The following USP20 variants were observed in gnomAD, a reference collection of about 807,000 sequenced individuals.
USP20 encodes ubiquitin specific peptidase 20.
Under a neutral mutation model 124.2 loss-of-function variants are expected in USP20, and 80 were observed. The ratio of observed to expected loss-of-function variants is 0.64; its 90% CI spans 0.54 to 0.78. USP20 has a LOEUF of 0.78. USP20 is among the 30% of genes least tolerant of loss of function. The pLI is 0.00. For missense variants in USP20, 1,043 were observed against 1,244.4 expected, an observed-to-expected ratio of 0.84 and a Z score of 2.44; for synonymous variants, 481 against 512.3, an observed-to-expected ratio of 0.94 and a Z score of 0.83.
At chr9:129,842,673 A>C (rs1293287203) in intron 1 of USP20, among the ~76,000 whole-genome samples, 1 of 150,848 alleles carries the variant, frequency 6.6e-6, no homozygotes, top group Non-Finnish European at 1.5e-5. Flanking sequence ...GGCTCACTGC[A>C]ACCTCTGCCT....
intron 4 of USP20, among the ~76,000 whole-genome samples, chr9:129,857,567 C>G (rs564139350): frequency 2.2e-4 from 33 of 152,318 alleles, no homozygotes; most frequent in African/African-American, 7.0e-4. Context: ...GGGCCCTGCT[C>G]TGGGGCACTG....
In USP20 at chr9:129,858,506, C is replaced by T. The variant is rs1474128838; in HGVS notation, c.238C>T (p.Arg80Ter). Reference protein sequence around the residue: ...HNLTVNLTTFRLWCYACEKEV... With the variant: ...HNLTVNLTTF ...CTTGACCGTGAACCTGACCACGTTC[C>T]GACTGTGGTGTTACGCCTGTGAGAA... The change falls in exon 6 of 26, where the codon CGA becomes TGA. Residue 80 changes from arginine (R) to a stop codon, truncating the protein, a stop_gained. Coordinates refer to ENST00000372429, the MANE Select transcript of USP20 (RefSeq NM_001110303.4). LOFTEE classifies it high-confidence loss of function. The T allele has an allele frequency of 1.9e-6, 3 of 1,614,130 alleles. No homozygotes were observed. The highest frequency in any genetic ancestry group is 2.2e-5 in the East Asian group (1 of 44,882).
chr9:129,860,801 CT>C, intron 6 of USP20, 135 bp from the exon 7 acceptor site: 1 of 824,680 alleles, frequency 1.2e-6, no homozygotes. Flanking sequence ...ACAGTACCTT[CT>C]GCTCAGCTGG....
chr9:129,852,141 T>G (rs1481382024), intron 2 of USP20, among the ~76,000 whole-genome samples: 1 of 152,224 alleles, frequency 6.6e-6, no homozygotes, highest in Non-Finnish European at 1.5e-5. Flanking sequence ...GCCTGTATCC[T>G]TGGACGGACA....
At chr9:129,861,732 C>A in intron 8 of USP20, 120 bp downstream of exon 8, 2 of 864,592 alleles carry the variant, frequency 2.3e-6, no homozygotes, top group Non-Finnish European at 1.8e-6. Context: ...CAGCAAAATG[C>A]CTGAAAGCAT....
chr9:129,849,306 C>A (rs1356747041), intron 1 of USP20, among the ~76,000 whole-genome samples: 1 of 152,208 alleles, frequency 6.6e-6, no homozygotes, highest in Non-Finnish European at 1.5e-5. Flanking sequence ...TCTGCCTGAG[C>A]CTTGGCCAGC....
Position 129,881,316 on chromosome 9 carries a change from A to G in USP20, c.*866A>G, listed in dbSNP as rs733000. 145,008 of 152,406 alleles carry G rather than the reference A, an allele frequency of 0.95. 69,412 individuals carry two copies. Among genetic ancestry groups the G allele is most frequent in the East Asian group, 1 (5,176 of 5,176 alleles). 9.4% of individuals were successfully genotyped at this position (152,406 alleles called of 1,614,324 possible). A position where few individuals can be genotyped will look rare whatever the true frequency, so the allele number is the denominator to read the frequency against. ...TCCCAGCAGCAGCAGTGCAGAGCCC[A>G]CCTGGAGGGATGTGGGGGCTGTGCA... On this transcript the variant is annotated 3_prime_UTR_variant, in exon 26 of 26. Coordinates refer to ENST00000372429, the MANE Select transcript of USP20 (RefSeq NM_001110303.4).
Position 129,856,291 on chromosome 9 carries a change from C to T in USP20, c.82-16C>T, listed in dbSNP as rs1486230238. ...TCCTCATGCCTGCTCTTTTTCTCTCCTCTCAACTCACACAGGGAACCTGTC... is the reference window on the plus strand; with the variant it reads ...TCCTCATGCCTGCTCTTTTTCTCTCTTCTCAACTCACACAGGGAACCTGTC... On this transcript the variant is annotated splice_polypyrimidine_tract_variant and intron_variant, in intron 3 of 25. Transcript: ENST00000372429. 6.2e-6 allele frequency: 10 copies of T among 1,613,838 alleles called. No homozygotes were observed. Among genetic ancestry groups the T allele is most frequent in the Non-Finnish European group, 8.5e-6 (10 of 1,179,812 alleles).
chr9:129,880,146 G>A lies in USP20; in HGVS notation c.2618G>A (p.Trp873Ter). 1.2e-6 allele frequency: 2 copies of A among 1,613,900 alleles called. No individual in the cohort carries two copies. The highest frequency in any genetic ancestry group is 1.7e-6 in the Non-Finnish European group (2 of 1,180,024). ...TACGGGCAGATTTCGGAGGAGACCT[G>A]GACCTACCTGAACAGCCTGTATGGA... ...ADYGQISEET[W>*]TYLNSLYGGG... Residue 873 changes from tryptophan to a stop codon, truncating the protein, a stop_gained, in exon 25 of 26, where the codon TGG becomes TAG. Transcript: ENST00000372429. LOFTEE classifies it high-confidence loss of function.
chr9:129,864,157 A>C (rs2089047), intron 9 of USP20, among the ~76,000 whole-genome samples: 131,805 of 150,366 alleles, frequency 0.88, 58,162 homozygotes, highest in East Asian at 1. Flanking sequence ...ATATGTATTA[A>C]ATGTAGAAGC....
chr9:129,866,500 G>C (rs1481876156), intron 10 of USP20, among the ~76,000 whole-genome samples: 2 of 152,226 alleles, frequency 1.3e-5, no homozygotes, highest in Non-Finnish European at 2.9e-5. Flanking sequence ...CATCCTGGCA[G>C]AGATGGCATT....
In USP20 at chr9:129,868,023, C is replaced by T. The variant is rs765839692; in HGVS notation, c.709C>T (p.Arg237Cys). 3 of 1,613,582 alleles carry T rather than the reference C, an allele frequency of 1.9e-6. No individual in the cohort carries two copies. Among genetic ancestry groups the T allele is most frequent in the East Asian group, 2.2e-5 (1 of 44,874 alleles). The change falls in exon 11 of 26, where the codon CGC becomes TGC. Residue 237 changes from arginine to cysteine, a missense_variant. Physicochemically the swap from Arg to Cys is radical, Grantham distance 180. Coordinates refer to ENST00000372429, the MANE Select transcript of USP20 (RefSeq NM_001110303.4). Reference protein sequence around the residue: ...YAQQDTQEFLRCLMDQLHEEL... With the variant: ...YAQQDTQEFLCCLMDQLHEEL... ...GTTCTAGGACACCCAAGAGTTCCTT[C>T]GCTGCCTGATGGACCAGCTGCACGA...
chr9:129,871,124 C>T (rs1043110175), intron 15 of USP20, among the ~76,000 whole-genome samples: 1 of 152,174 alleles, frequency 6.6e-6, no homozygotes, highest in Non-Finnish European at 1.5e-5. Context: ...CCATTCATCT[C>T]CAGAACTTTT....
chr9:129,881,106 C>A lies in USP20; in HGVS notation c.*656C>A. 1 of 152,478 alleles carries A rather than the reference C, an allele frequency of 6.6e-6. No homozygotes were observed. Among genetic ancestry groups the A allele is most frequent in the Non-Finnish European group, 1.5e-5 (1 of 68,120 alleles). 9.4% of individuals were successfully genotyped at this position (152,478 alleles called of 1,614,324 possible). On this transcript the variant is annotated 3_prime_UTR_variant, in exon 26 of 26. Transcript: ENST00000372429. Reference sequence around the variant, plus strand: ...AGGCAGCTGGTCCCCCACACCGCGTCCTGCTGAGCCTGCCCCCTGGATTGG... The same window carrying A: ...AGGCAGCTGGTCCCCCACACCGCGTACTGCTGAGCCTGCCCCCTGGATTGG...
chr9:129,846,602 A>G (rs1588244085), intron 1 of USP20, among the ~76,000 whole-genome samples: 1 of 140,676 alleles, frequency 7.1e-6, no homozygotes, highest in Non-Finnish European at 1.5e-5. Flanking sequence ...TTCAGCAAAT[A>G]TTTTCTGAGA....
Position 129,865,368 on chromosome 9 carries a change from G to T in USP20, c.677G>T (p.Gly226Val), listed in dbSNP as rs2033772659. Residue 226 changes from glycine (G) to valine (V), a missense_variant, in exon 10 of 26, where the codon GGC (glycine) becomes GTC (valine). Physicochemically the swap from Gly to Val is moderately radical, Grantham distance 109 (BLOSUM62 -3). Coordinates refer to ENST00000372429, the MANE Select transcript of USP20 (RefSeq NM_001110303.4). ...AAGTTGGTCAACCCAATGTTCCGAG[G>T]CTATGCCCAGCAGGTAAGCCATCTG... ...GIKLVNPMFR[G>V]YAQQDTQEFL... 3 of 1,614,156 alleles carry T rather than the reference G, an allele frequency of 1.9e-6. No individual in the cohort carries two copies. Among genetic ancestry groups the T allele is most frequent in the Non-Finnish European group, 2.5e-6 (3 of 1,180,000 alleles).
Position 129,868,997 on chromosome 9 carries a change from A to G in USP20, c.1271A>G (p.Lys424Arg). ...PVRMAPSYVLKKAQVLSAGSR... is the reference protein window; with the variant it reads ...PVRMAPSYVLRKAQVLSAGSR... ...AGGATGGCACCGTCGTACGTGCTCA[A>G]GAAAGGTTCGGGGGGCACGGGAGGG... Residue 424 changes from lysine to arginine, a missense_variant, in exon 12 of 26, where the codon AAG (lysine) becomes AGG (arginine). Physicochemically the swap from Lys to Arg is conservative, Grantham distance 26. Transcript: ENST00000372429. 6.2e-7 allele frequency: 1 copy of G among 1,607,780 alleles called. No individual in the cohort carries two copies. Among genetic ancestry groups the G allele is most frequent in the Non-Finnish European group, 8.5e-7 (1 of 1,176,206 alleles).
intron 3 of USP20, among the ~76,000 whole-genome samples, chr9:129,855,995 G>A (rs1032900514): frequency 5.9e-5 from 9 of 152,176 alleles, no homozygotes; most frequent in East Asian, 1.9e-4. Context: ...GGAAGAGAGC[G>A]TGTTAACGAG....
chr9:129,873,080 C>CTGTTTTTTTTTT (rs1554750573), intron 15 of USP20, among the ~76,000 whole-genome samples: 1 of 78,366 alleles, frequency 1.3e-5, no homozygotes. Flanking sequence ...TTTTCTTCTT[C>CTGTTTTTTTTTT]TTTTTTTTTT....
Sources: allele counts gnomAD v4.1 joint callset (sites outside exome capture counted in the v4.1 genomes callset), GRCh38; gene constraint gnomAD v4.1.1; transcripts MANE v1.5; gene names NCBI Gene and HGNC (gene_info 2026-07-23, HGNC 2026-07-21).